Variants in STRAP observed in about 807,000 individuals in gnomAD.
STRAP encodes the protein serine/threonine kinase receptor associated protein.
A neutral mutation model predicts 47.0 loss-of-function variants in STRAP; 16 were observed. The ratio of observed to expected loss-of-function variants is 0.34; its 90% CI spans 0.23 to 0.52. STRAP has a LOEUF of 0.52. Among genes scored for constraint, STRAP ranks in the 20% least tolerant of loss-of-function variants. STRAP has a pLI of 0.96. For synonymous variants in STRAP, 130 were observed against 142.7 expected (o/e 0.91, Z 0.63); for missense variants, 293 against 420.0 (o/e 0.70, Z 2.64).
chr12:15,885,006 G>A (rs1389394040), intron 2 of STRAP, among the ~76,000 whole-genome samples: 2 of 151,890 alleles, frequency 1.3e-5, no homozygotes. Context: ...AGTGGCCCTC[G>A]TTGCCTTTTT....
At chr12:15,901,052 G>C in intron 9 of STRAP, 40 bp downstream of exon 9, 1 of 1,452,214 alleles carries the variant, frequency 6.9e-7, no homozygotes, top group Non-Finnish European at 9.2e-7. Context: ...AGTCTTGGGG[G>C]ATTTAAAATT....
rs1284055962 is a variant in STRAP at position 15,890,077 on chromosome 12, C to T, written c.330+68C>T. Reference sequence around the variant, plus strand: ...TACATAGTGTGATAATGCTTTTATACTTGATTGGTGTGTATATTTGATTGA... The same window carrying T: ...TACATAGTGTGATAATGCTTTTATATTTGATTGGTGTGTATATTTGATTGA... On this transcript the variant is annotated intron_variant, in intron 3 of 9. Coordinates refer to ENST00000419869, the MANE Select transcript of STRAP (RefSeq NM_007178.4). The surrounding 1 kb of genome is among the most constrained non-coding windows in gnomAD (Gnocchi z 4.5). 1.5e-6 allele frequency: 2 copies of T among 1,320,118 alleles called. No individual in the cohort carries two copies. Among genetic ancestry groups the T allele is most frequent in the African/African-American group, 1.5e-5 (1 of 68,828 alleles). The allele number at this position is 1,320,118 out of a possible 1,614,324, so 81.8% of individuals were successfully genotyped here.
At position 15,889,949 on chromosome 12, in the gene STRAP, A is replaced by C; in HGVS notation, c.270A>C (p.Ser90=). ...TTAGCAAAGTGTGGGATGCTGTCTC[A>C]GGAGATGAATTGATGACCCTGGCTC... The part of the protein sequence containing the change: ...DFTAKVWDAV[S]GDELMTLAHK... The change falls in exon 3 of 10, where the codon TCA becomes TCC. Residue 90 remains serine (S), a synonymous_variant. Coordinates refer to ENST00000419869, the MANE Select transcript of STRAP (RefSeq NM_007178.4). 3.1e-6 allele frequency: 5 copies of C among 1,613,676 alleles called. No homozygotes were observed. Among genetic ancestry groups the C allele is most frequent in the Non-Finnish European group, 4.2e-6 (5 of 1,179,750 alleles).
intron 2 of STRAP, among the ~76,000 whole-genome samples, chr12:15,884,132 G>A (rs989167677): frequency 1.3e-5 from 2 of 152,056 alleles, no homozygotes; most frequent in Non-Finnish European, 2.9e-5. Flanking sequence ...TCAGCTGCTC[G>A]TCATTTCCTA....
intron 4 of STRAP, among the ~76,000 whole-genome samples, chr12:15,893,114 G>A (rs2136110648): frequency 6.6e-6 from 1 of 152,272 alleles, no homozygotes; most frequent in South Asian, 2.1e-4. Context: ...TGCCCCTAGA[G>A]ACAGCAGTGA....
chr12:15,897,917 C>G lies in STRAP; in HGVS notation c.674C>G (p.Thr225Ser), dbSNP rs1325173388. ...ATTAAATCCTTTGAAGCTCCTGCAA[C>G]CATCAATTCTGCATCTCTTCATCCT... ...DPIKSFEAPA[T>S]INSASLHPEK... Residue 225 changes from threonine to serine, a missense_variant, in exon 7 of 10, where the codon ACC becomes AGC. This residue lies in a region of STRAP where 152 missense variants were observed against 183.0 expected (regional missense o/e 0.83). Transcript: ENST00000419869. The G allele has an allele frequency of 1.9e-6, 3 of 1,577,798 alleles. No individual in the cohort carries two copies. The Admixed American group carries it at 5.6e-5, about 30-fold the overall frequency.
Position 15,897,905 on chromosome 12 carries a change from A to G in STRAP, c.662A>G (p.Glu221Gly), listed in dbSNP as rs1156391069. 6.4e-7 allele frequency: 1 copy of G among 1,556,572 alleles called. No homozygotes were observed. Among genetic ancestry groups the G allele is most frequent in the Non-Finnish European group, 8.6e-7 (1 of 1,158,516 alleles). Residue 221 changes from glutamate to glycine, a missense_variant, in exon 7 of 10, where the codon GAA becomes GGA. Transcript: ENST00000419869. ...AVSLDPIKSF[E>G]APATINSASL... The stretch of plus-strand genomic sequence containing the variant: ...AGTTTGGACCCAATTAAATCCTTTG[A>G]AGCTCCTGCAACCATCAATTCTGCA...
rs556328264 is a variant in STRAP, at chr12:15,902,906, T to C, written c.992-11T>C. On this transcript the variant is annotated splice_polypyrimidine_tract_variant and intron_variant, in intron 9 of 9. Coordinates refer to ENST00000419869, the MANE Select transcript of STRAP (RefSeq NM_007178.4). ...GTGACTTTTTTTTTTTTTTTTTTTT[T>C]TTACTTATAGAAGAAATTGCTTCAG... 3.7e-5 allele frequency: 56 copies of C among 1,504,596 alleles called. No individual in the cohort carries two copies. In the African/African-American group the frequency reaches 7.7e-4, roughly 21 times the overall value. The allele number at this position is 1,504,596 out of a possible 1,614,324, so 93.2% of individuals were successfully genotyped here.
chr12:15,886,982 T>G (rs1311753242), intron 2 of STRAP, among the ~76,000 whole-genome samples: 1 of 152,208 alleles, frequency 6.6e-6, no homozygotes, highest in Non-Finnish European at 1.5e-5. Context: ...GACAATTCTG[T>G]GCTGTGCTCC....
At chr12:15,900,447 A>C (rs1456568781) in intron 8 of STRAP, among the ~76,000 whole-genome samples, 1 of 151,912 alleles carries the variant, frequency 6.6e-6, no homozygotes, top group Non-Finnish European at 1.5e-5. Flanking sequence ...CGAGAATTGC[A>C]TGAACCCAGG....
At chr12:15,902,485 A>C (rs551096924) in intron 9 of STRAP, among the ~76,000 whole-genome samples, 1 of 152,246 alleles carries the variant, frequency 6.6e-6, no homozygotes, top group South Asian at 2.1e-4. Context: ...GTTTTCCTTA[A>C]ATTTTTTATT....
rs535879883 is a variant in STRAP at position 15,882,700 on chromosome 12, C to T, written c.-8C>T. 3 of 1,605,286 alleles carry T rather than the reference C, an allele frequency of 1.9e-6. No individual in the cohort carries two copies. Among genetic ancestry groups the T allele is most frequent in the Admixed American group, 1.7e-5 (1 of 59,386 alleles). On this transcript the variant is annotated 5_prime_UTR_variant, in exon 1 of 10. Transcript: ENST00000419869. Reference sequence around the variant, plus strand: ...CTCGCCAGTCCGGTCGCTGGCTTCGCCGCCGCCATGGCAATGAGACAGACG... The same window carrying T: ...CTCGCCAGTCCGGTCGCTGGCTTCGTCGCCGCCATGGCAATGAGACAGACG...
intron 7 of STRAP, among the ~76,000 whole-genome samples, chr12:15,898,823 T>C (rs556357419): frequency 7.2e-5 from 11 of 152,178 alleles, no homozygotes; most frequent in Non-Finnish European, 1.2e-4. Context: ...CTGCCCTGCT[T>C]TACCAAAGAA....
At position 15,883,627 on chromosome 12, in the gene STRAP, C is replaced by T; in HGVS notation, c.199C>T (p.Leu67=). The T allele has an allele frequency of 1.2e-6, 2 of 1,614,216 alleles. No homozygotes were observed. Among genetic ancestry groups the T allele is most frequent in the East Asian group, 2.2e-5 (1 of 44,890 alleles). ...GHKGAVWGAT[L]NKDATKAATA... is the part of the protein sequence containing the mutation. ...TAAAGGTGCTGTTTGGGGTGCAACA[C>T]TGAATAAGGATGCCACCAAAGCAGC... Residue 67 remains leucine (L), a synonymous_variant, in exon 2 of 10, where the codon CTG becomes TTG. Transcript: ENST00000419869.
At chr12:15,882,870 G>A (rs1218465904) in intron 1 of STRAP, 51 bp downstream of exon 1, 2 of 1,558,806 alleles carry the variant, frequency 1.3e-6, no homozygotes, top group African/African-American at 2.7e-5. Flanking sequence ...GGGCTGAAAG[G>A]GATCGGGACC....
chr12:15,882,842 T>A, intron 1 of STRAP, 23 bp downstream of exon 1: 1 of 1,599,652 alleles, frequency 6.3e-7, no homozygotes, highest in Non-Finnish European at 8.5e-7. Flanking sequence ...GCAATCCTGG[T>A]CCTCGACGGC....
chr12:15,888,796 T>A (rs1446244378), intron 2 of STRAP, among the ~76,000 whole-genome samples: 1 of 152,202 alleles, frequency 6.6e-6, no homozygotes, highest in African/African-American at 2.4e-5. Context: ...TCTCCTCAGC[T>A]AAAGCTCTAC....
chr12:15,898,088 TTA>T (rs879693683), intron 7 of STRAP, 70 bp downstream of exon 7: 5,744 of 1,162,146 alleles, frequency 4.9e-3, no homozygotes, highest in East Asian at 5.8e-3. Context: ...AACACCTCAT[TTA>T]TATATATATA....
At chr12:15,888,662 T>C (rs1470346651) in intron 2 of STRAP, among the ~76,000 whole-genome samples, 2 of 152,182 alleles carry the variant, frequency 1.3e-5, no homozygotes, top group African/African-American at 4.8e-5. Context: ...CTTTGCTTCT[T>C]CCGACGGCTA....
Sources: allele counts gnomAD v4.1 joint callset (sites outside exome capture counted in the v4.1 genomes callset), GRCh38; gene constraint gnomAD v4.1.1; regional missense constraint gnomAD v4.1.1; non-coding constraint Gnocchi (gnomAD v3.1); transcripts MANE v1.5; gene names NCBI Gene and HGNC (gene_info 2026-07-23, HGNC 2026-07-21).